Variants in EYS observed in about 807,000 individuals in gnomAD.
EYS encodes the protein EGF-like photoreceptor maintenance factor.
EYS carries 250 observed loss-of-function variants against 282.1 expected under a neutral mutation model. That is an observed-to-expected ratio of 0.89 (90% CI 0.80 to 0.98). The LOEUF (loss-of-function observed/expected upper bound fraction) is 0.98. Among genes scored for constraint, EYS ranks in the 50% least tolerant of loss-of-function variants. EYS has a pLI of 0.00. For synonymous variants in EYS, 1,355 were observed against 1,282.9 expected, an observed-to-expected ratio of 1.06 and a Z score of -1.20; for missense variants, 4,016 against 3,709.0, an observed-to-expected ratio of 1.08 and a Z score of -2.15.
intron 35 of EYS, among the ~76,000 whole-genome samples, chr6:63,973,265 G>T (rs992632186): frequency 1.3e-5 from 2 of 152,016 alleles, no homozygotes; most frequent in Admixed American, 1.3e-4. Context: ...GCATGAGATG[G>T]TATCTCATTG....
rs546119493 is a variant in EYS, at chr6:64,224,489, C to T, written c.6424+6103G>A. ...TGAATTTCCAGCTTTATTTCTCAGT[C>T]GATTCCATATGTGCCCTGCTCCCAA... On this transcript the variant is annotated intron_variant, in intron 31 of 42. Coordinates refer to ENST00000503581, the MANE Select transcript of EYS (RefSeq NM_001142800.2). Among the ~76,000 whole-genome samples the T allele has an allele frequency of 6.6e-5, 10 of 152,158 alleles. No individual in the cohort carries two copies. In the East Asian group the frequency reaches 1.7e-3, roughly 26 times the overall value.
At chr6:65,390,199 T>G (rs1365512136) in intron 7 of EYS, among the ~76,000 whole-genome samples, 3 of 151,086 alleles carry the variant, frequency 2.0e-5, no homozygotes, top group Non-Finnish European at 4.4e-5. Context: ...ATCAAAAAAT[T>G]TAAACAACCA....
At chr6:65,141,871 G>C (rs1299132961) in intron 12 of EYS, among the ~76,000 whole-genome samples, 1 of 151,924 alleles carries the variant, frequency 6.6e-6, no homozygotes, top group Non-Finnish European at 1.5e-5. Context: ...GACATTTGTA[G>C]GTGAAGAAAA....
intron 37 of EYS, among the ~76,000 whole-genome samples, chr6:63,804,714 G>A (rs962225511): frequency 6.6e-6 from 1 of 152,190 alleles, no homozygotes; most frequent in African/African-American, 2.4e-5. Flanking sequence ...ACATGATAAG[G>A]AGGTTTGGAT....
intron 36 of EYS, among the ~76,000 whole-genome samples, chr6:63,816,294 A>T (rs983304681): frequency 6.6e-6 from 1 of 152,236 alleles, no homozygotes; most frequent in East Asian, 1.9e-4. Context: ...ATAATGGAGT[A>T]TTATAGAACT....
chr6:64,935,464 T>A (rs1399110456), intron 15 of EYS, among the ~76,000 whole-genome samples: 1 of 151,732 alleles, frequency 6.6e-6, no homozygotes, highest in East Asian at 1.9e-4. Flanking sequence ...GAGAACATAA[T>A]GAAAATTAAA....
chr6:64,168,254 C>T (rs1764359532), intron 31 of EYS, among the ~76,000 whole-genome samples: 1 of 146,952 alleles, frequency 6.8e-6, no homozygotes, highest in African/African-American at 2.7e-5. Context: ...GAGCGAAACT[C>T]CATTTCAATA....
chr6:64,036,512 C>A (rs1770129173), intron 33 of EYS, among the ~76,000 whole-genome samples: 1 of 152,050 alleles, frequency 6.6e-6, no homozygotes, highest in South Asian at 2.1e-4. Flanking sequence ...TAATCTTAAT[C>A]TTATGGAAGA....
chr6:65,463,660 A>T (rs954267754), intron 5 of EYS, among the ~76,000 whole-genome samples: 7 of 152,184 alleles, frequency 4.6e-5, no homozygotes, highest in African/African-American at 1.4e-4. Flanking sequence ...GTGTTTATTT[A>T]AAAAAGTATG....
chr6:64,762,046 G>A (rs1773177232), intron 22 of EYS, among the ~76,000 whole-genome samples: 1 of 152,104 alleles, frequency 6.6e-6, no homozygotes, highest in African/African-American at 2.4e-5. Context: ...TGTTAAAACA[G>A]TGGATTTTAA....
At chr6:65,010,438 T>A (rs573124362) in intron 13 of EYS, among the ~76,000 whole-genome samples, 1 of 152,320 alleles carries the variant, frequency 6.6e-6, no homozygotes, top group Admixed American at 6.5e-5. Flanking sequence ...CTTGTGCAAC[T>A]CTTAACCCAG....
chr6:63,878,013 C>T (rs1385759800), intron 35 of EYS, among the ~76,000 whole-genome samples: 1 of 152,194 alleles, frequency 6.6e-6, no homozygotes, highest in African/African-American at 2.4e-5. Context: ...TGTTCTATTG[C>T]TGGTGAGGAG....
chr6:64,538,715 A>C (rs1764604396), intron 26 of EYS, among the ~76,000 whole-genome samples: 1 of 152,194 alleles, frequency 6.6e-6, no homozygotes, highest in South Asian at 2.1e-4. Context: ...CTCAGCATGC[A>C]TCTCCTTTAA....
chr6:64,987,717 T>C (rs9453146), intron 14 of EYS, among the ~76,000 whole-genome samples: 175 of 151,610 alleles, frequency 1.2e-3, no homozygotes, highest in African/African-American at 4.1e-3. Flanking sequence ...GAAATATACC[T>C]TCTATGATAT....
chr6:65,531,476 A>G (rs1386913512), intron 2 of EYS, among the ~76,000 whole-genome samples: 2 of 152,180 alleles, frequency 1.3e-5, no homozygotes, highest in African/African-American at 4.8e-5. Context: ...GCCTCATTAT[A>G]ATCTGACAGA....
chr6:65,410,189 C>T (rs1766926932), intron 5 of EYS, among the ~76,000 whole-genome samples: 1 of 151,962 alleles, frequency 6.6e-6, no homozygotes, highest in Admixed American at 6.6e-5. Context: ...GTGCTTACAT[C>T]CATAAAGATT....
intron 31 of EYS, among the ~76,000 whole-genome samples, chr6:64,230,248 G>A (rs1397887835): frequency 6.6e-6 from 1 of 152,014 alleles, no homozygotes; most frequent in Non-Finnish European, 1.5e-5. Flanking sequence ...CAATAAAATA[G>A]TATTAATTAG....
intron 31 of EYS, among the ~76,000 whole-genome samples, chr6:64,117,063 A>G (rs1773409430): frequency 6.6e-6 from 1 of 152,126 alleles, no homozygotes; most frequent in African/African-American, 2.4e-5. Context: ...ATTTAGACCA[A>G]CTGAACCTAA....
At chr6:64,653,875 T>C (rs543378575) in intron 22 of EYS, among the ~76,000 whole-genome samples, 1 of 152,012 alleles carries the variant, frequency 6.6e-6, no homozygotes, top group Admixed American at 6.6e-5. Flanking sequence ...TCCTCTAAAT[T>C]TTTGAAGTTT....
Sources: allele counts gnomAD v4.1 joint callset (sites outside exome capture counted in the v4.1 genomes callset), GRCh38; gene constraint gnomAD v4.1.1; transcripts MANE v1.5; gene names NCBI Gene and HGNC (gene_info 2026-07-23, HGNC 2026-07-21).